Variants in CELSR3 observed in about 807,000 individuals in gnomAD.
CELSR3 encodes EGF-like protein 1.
A neutral mutation model predicts 270.0 loss-of-function variants in CELSR3; 73 were observed. The ratio of observed to expected loss-of-function variants is 0.27; its 90% CI spans 0.22 to 0.33. The LOEUF (loss-of-function observed/expected upper bound fraction) is 0.33. Ranked by LOEUF, CELSR3 falls within the 10% of genes least tolerant of loss-of-function variation. The probability of loss-of-function intolerance (pLI) is 1.00; values close to 1 mark genes in which losing one functional copy is unlikely to be tolerated. For synonymous variants in CELSR3, 1,780 were observed against 1,905.4 expected (o/e 0.93, Z 1.71); for missense variants, 3,614 against 4,533.8 (o/e 0.80, Z 5.83).
chr3:48,656,538 C>A (rs114474287), intron 2 of CELSR3, among the ~76,000 whole-genome samples, 160 bp downstream of exon 2: 2 of 152,242 alleles, frequency 1.3e-5, no homozygotes, highest in East Asian at 3.9e-4. Context: ...ATCGCTGCCT[C>A]GGCGGCGGCC....
chr3:48,652,077 G>A lies in CELSR3; in HGVS notation c.5752-29C>T, dbSNP rs752179609. On this transcript the variant is annotated intron_variant, in intron 11 of 34. Coordinates refer to ENST00000164024, the MANE Select transcript of CELSR3 (RefSeq NM_001407.3). This position sits in a 1 kb window ranked among gnomAD's most constrained non-coding sequence, Gnocchi z 4.3. ...TGGACACACAGCCAGCAAGGGGTGAGACCATGTTAAGGCACCTCAGCCTCA... is the reference window on the plus strand; with the variant it reads ...TGGACACACAGCCAGCAAGGGGTGAAACCATGTTAAGGCACCTCAGCCTCA... 1 of 1,506,802 alleles carries A rather than the reference G, an allele frequency of 6.6e-7. No individual in the cohort carries two copies. The highest frequency in any genetic ancestry group is 1.4e-5 in the African/African-American group (1 of 71,294). 93.3% of individuals were successfully genotyped at this position (1,506,802 alleles called of 1,614,324 possible).
Position 48,660,826 on chromosome 3 carries a change from C to A in CELSR3, c.1809G>T (p.Gln603His). ...CCTCGAAGTCCAGAGGTGCCACCAC[C>A]TGGATCTCGCCAGTGAGGCTGTCGA... ...FAIDSLTGEI[Q>H]VVAPLDFEAE... Residue 603 changes from glutamine (Q) to histidine (H), a missense_variant, in exon 1 of 35, where the codon CAG (glutamine) becomes CAT (histidine). Around this residue, in one of 7 missense-constraint regions of CELSR3, gnomAD observed 354 missense variants for 500.9 expected, o/e 0.71. Coordinates refer to ENST00000164024, the MANE Select transcript of CELSR3 (RefSeq NM_001407.3). The surrounding 1 kb of genome is among the most constrained non-coding windows in gnomAD (Gnocchi z 5.5). 1 of 1,614,062 alleles carries A rather than the reference C, an allele frequency of 6.2e-7. No homozygotes were observed. The highest frequency in any genetic ancestry group is 1.1e-5 in the South Asian group (1 of 91,086).
Position 48,654,032 on chromosome 3 carries a change from G to C in CELSR3, c.5153-29C>G. On this transcript the variant is annotated intron_variant, in intron 7 of 34. Transcript: ENST00000164024. The surrounding 1 kb of genome is among the most constrained non-coding windows in gnomAD (Gnocchi z 5.4). Reference sequence around the variant, plus strand: ...GGAGAGGAAAGCACATGGCGGACATGAGAACAAGGGTTGGGGGGCACAAGT... The same window carrying C: ...GGAGAGGAAAGCACATGGCGGACATCAGAACAAGGGTTGGGGGGCACAAGT... The C allele has an allele frequency of 1.2e-6, 2 of 1,607,030 alleles. No individual in the cohort carries two copies. The highest frequency in any genetic ancestry group is 1.7e-6 in the Non-Finnish European group (2 of 1,175,360).
Position 48,638,045 on chromosome 3 carries a change from T to C in CELSR3, c.*160A>G. The C allele has an allele frequency of 6.3e-6, 4 of 630,942 alleles. No individual in the cohort carries two copies. Among genetic ancestry groups the C allele is most frequent in the South Asian group, 5.3e-5 (3 of 56,280 alleles). The allele number at this position is 630,942 out of a possible 1,614,324, so 39.1% of individuals were successfully genotyped here. On this transcript the variant is annotated 3_prime_UTR_variant, in exon 35 of 35. Coordinates refer to ENST00000164024, the MANE Select transcript of CELSR3 (RefSeq NM_001407.3). The stretch of plus-strand genomic sequence containing the variant: ...CACCTGTCACACGCATGCTCACAGA[T>C]GCACATGGAGCCTCAGCCCTGCCAC...
In CELSR3 at chr3:48,637,401, C is replaced by G. The variant is rs1020344329; in HGVS notation, c.*804G>C. 2.6e-5 allele frequency: 4 copies of G among 152,628 alleles called. No individual in the cohort carries two copies. Among genetic ancestry groups the G allele is most frequent in the Non-Finnish European group, 5.9e-5 (4 of 68,044 alleles). 9.5% of individuals were successfully genotyped at this position (152,628 alleles called of 1,614,324 possible). On this transcript the variant is annotated 3_prime_UTR_variant, in exon 35 of 35. Transcript: ENST00000164024. ...GGGAATCAAATGGCACCACAGACAA[C>G]TTTTGCTTGCTGCAGGGGCAGGTGA...
rs61729421 is a variant in CELSR3 at position 48,660,287 on chromosome 3, C to T, written c.2348G>A (p.Arg783His). 1.5e-5 allele frequency: 24 copies of T among 1,614,170 alleles called. No individual in the cohort carries two copies. The African/African-American group carries it at 1.6e-4, about 11-fold the overall frequency. Residue 783 changes from arginine (R) to histidine (H), a missense_variant, in exon 1 of 35, where the codon CGT becomes CAT. Transcript: ENST00000164024. This position sits in a 1 kb window ranked among gnomAD's most constrained non-coding sequence, Gnocchi z 5.5. The stretch of plus-strand genomic sequence containing the variant: ...GTAGCTGATGGCACTGTTGGCATCA[C>T]GGTCTACTGCGGTCACGCTGACCAC... ...TSVVSVTAVD[R>H]DANSAISYQI...
Position 48,644,641 on chromosome 3 carries a change from C to T in CELSR3, c.8085+75G>A. On this transcript the variant is annotated intron_variant, in intron 26 of 34. Coordinates refer to ENST00000164024, the MANE Select transcript of CELSR3 (RefSeq NM_001407.3). This position sits in a 1 kb window ranked among gnomAD's most constrained non-coding sequence, Gnocchi z 4.8. ...CTGCAGAATGCCACCTGACCGCCCT[C>T]AGCTGAGTCCACTGCACCTCCTCCC... 8.1e-7 allele frequency: 1 copy of T among 1,232,184 alleles called. No homozygotes were observed. Among genetic ancestry groups the T allele is most frequent in the Non-Finnish European group, 1.2e-6 (1 of 848,372 alleles). 76.3% of individuals were successfully genotyped at this position (1,232,184 alleles called of 1,614,324 possible). A position where few individuals can be genotyped will look rare whatever the true frequency, so the allele number is the denominator to read the frequency against.
At chr3:48,643,416 G>A in intron 28 of CELSR3, 138 bp downstream of exon 28, 1 of 1,220,152 alleles carries the variant, frequency 8.2e-7, no homozygotes, top group Non-Finnish European at 1.1e-6. Flanking sequence ...CCAGTGTCTG[G>A]TCTGGGGTAG....
Position 48,639,685 on chromosome 3 carries a change from C to G in CELSR3, c.9900G>C (p.Ser3300=). Residue 3300 remains serine, a synonymous_variant, in exon 34 of 35, where the codon TCG becomes TCC. Transcript: ENST00000164024. The surrounding 1 kb of genome is among the most constrained non-coding windows in gnomAD (Gnocchi z 4.1). Reference sequence around the variant, plus strand: ...TGGACCATACTTACTCTGAGTCTGGCGACAGCTCCGAGATGCTGTGAGACG... The same window carrying G: ...TGGACCATACTTACTCTGAGTCTGGGGACAGCTCCGAGATGCTGTGAGACG... ...SATSHSISEL[S]PDSEVPRSEG... is the part of the protein sequence containing the mutation. 6.2e-7 allele frequency: 1 copy of G among 1,613,226 alleles called. No individual in the cohort carries two copies. Among genetic ancestry groups the G allele is most frequent in the East Asian group, 2.2e-5 (1 of 44,886 alleles).
At chr3:48,638,313 G>T in intron 34 of CELSR3, 81 bp from the exon 35 acceptor site, 2 of 1,039,060 alleles carry the variant, frequency 1.9e-6, no homozygotes, top group Non-Finnish European at 3.0e-6. Flanking sequence ...ACCACATTTG[G>T]CCTGGCTGCT....
intron 27 of CELSR3, chr3:48,643,944 C>T (rs932880904): frequency 3.4e-6 from 2 of 590,178 alleles, no homozygotes; most frequent in Non-Finnish European, 6.0e-6. Context: ...GGTGGGAACA[C>T]ACAGGGCAGG....
At position 48,651,065 on chromosome 3, in the gene CELSR3, T is replaced by A; in HGVS notation, c.6197A>T (p.Tyr2066Phe). ...GCAAGAGTCACTGCCCCGCGGTCGGTAGTGGAACTCCTGTTTGAGGATGGG... is the reference window on the plus strand; with the variant it reads ...GCAAGAGTCACTGCCCCGCGGTCGGAAGTGGAACTCCTGTTTGAGGATGGG... Reference protein sequence around the residue: ...NGQCHCKEFHYRPRGSDSCLP... With the variant: ...NGQCHCKEFHFRPRGSDSCLP... Residue 2066 changes from tyrosine (Y) to phenylalanine (F), a missense_variant, in exon 15 of 35, where the codon TAC becomes TTC. Physicochemically the swap from Tyr to Phe is conservative, Grantham distance 22. Transcript: ENST00000164024. The surrounding 1 kb of genome is among the most constrained non-coding windows in gnomAD (Gnocchi z 7.4). 1.3e-6 allele frequency: 2 copies of A among 1,562,474 alleles called. No homozygotes were observed. Among genetic ancestry groups the A allele is most frequent in the South Asian group, 2.4e-5 (2 of 82,578 alleles).
chr3:48,641,469 T>G lies in CELSR3; in HGVS notation c.8880A>C (p.Ala2960=), dbSNP rs1224624839. ...CCCAAGTCTGCAGAGCACAGGGGGC[T>G]GCCTCGCACTCCCCCAGGGCTGGCC... ...SYWPALGECE[A]APCALQTWGS... Residue 2960 remains alanine (A), a synonymous_variant, in exon 33 of 35, where the codon GCA becomes GCC. Transcript: ENST00000164024. The surrounding 1 kb of genome is among the most constrained non-coding windows in gnomAD (Gnocchi z 4.8). The G allele has an allele frequency of 6.2e-7, 1 of 1,612,334 alleles. No individual in the cohort carries two copies. Among genetic ancestry groups the G allele is most frequent in the Admixed American group, 1.7e-5 (1 of 60,002 alleles).
rs769689189 is a variant in CELSR3, at chr3:48,654,347, G to T, written c.5094C>A (p.His1698Gln). 23 of 1,614,102 alleles carry T rather than the reference G, an allele frequency of 1.4e-5. No homozygotes were observed. Among genetic ancestry groups the T allele is most frequent in the Non-Finnish European group, 1.9e-5 (23 of 1,180,022 alleles). ...KDFIGCMRDL[H>Q]IDGRRVDMAA... is the part of the protein sequence containing the mutation. ...CCATGTCCACTCGGCGGCCATCAAT[G>T]TGCAGGTCCCGCATACAGCCGATGA... The change falls in exon 7 of 35, where the codon CAC becomes CAA. Residue 1698 changes from histidine (H) to glutamine (Q), a missense_variant. His to Gln is a conservative substitution (Grantham distance 24). This residue lies in a region of CELSR3 where 1,331 missense variants were observed against 1,933.7 expected (regional missense o/e 0.69). Transcript: ENST00000164024. This position sits in a 1 kb window ranked among gnomAD's most constrained non-coding sequence, Gnocchi z 5.4.
In CELSR3 at chr3:48,642,919, T is replaced by G. The variant is rs1301849071; in HGVS notation, c.8407-35A>C. 2 of 1,611,080 alleles carry G rather than the reference T, an allele frequency of 1.2e-6. No homozygotes were observed. The highest frequency in any genetic ancestry group is 2.7e-5 in the African/African-American group (2 of 74,868). ...GTAGGGACAGAGTGTGAGCTAACCC[T>G]GAAGCAGCCTAAAACTCTGGCTTCT... On this transcript the variant is annotated intron_variant, in intron 29 of 34. Transcript: ENST00000164024. This position sits in a 1 kb window ranked among gnomAD's most constrained non-coding sequence, Gnocchi z 6.1.
chr3:48,639,666 ATACT>A lies in CELSR3; in HGVS notation c.9911+4_9911+7del. 6.2e-7 allele frequency: 1 copy of A among 1,613,048 alleles called. No individual in the cohort carries two copies. Among genetic ancestry groups the A allele is most frequent in the Non-Finnish European group, 8.5e-7 (1 of 1,179,746 alleles). On this transcript the variant is annotated splice_donor_5th_base_variant and intron_variant, in intron 34 of 34. Transcript: ENST00000164024. This position sits in a 1 kb window ranked among gnomAD's most constrained non-coding sequence, Gnocchi z 4.1. ...GAGGGTGCAAGCAGGTGGCTGGACC[ATACT>A]TACTCTGAGTCTGGCGACAGCTCCG...
In CELSR3 at chr3:48,660,010, G is replaced by C; in HGVS notation, c.2625C>G (p.Ser875Arg). 1 of 1,614,206 alleles carries C rather than the reference G, an allele frequency of 6.2e-7. No homozygotes were observed. The highest frequency in any genetic ancestry group is 8.5e-7 in the Non-Finnish European group (1 of 1,180,050). ...VSVNEDRPMG[S>R]TIVVISASDD... is the part of the protein sequence containing the mutation. ...CAGAGGCACTGATGACCACTATGGT[G>C]CTACCCATTGGCCGATCTTCATTCA... The change falls in exon 1 of 35, where the codon AGC becomes AGG. Residue 875 changes from serine (S) to arginine (R), a missense_variant. Ser to Arg is a moderately radical substitution (Grantham distance 110). Around this residue, in one of 7 missense-constraint regions of CELSR3, gnomAD observed 215 missense variants for 241.2 expected, o/e 0.89. Transcript: ENST00000164024. The surrounding 1 kb of genome is among the most constrained non-coding windows in gnomAD (Gnocchi z 5.5).
In CELSR3 at chr3:48,652,013, C is replaced by A; in HGVS notation, c.5787G>T (p.Pro1929=). The A allele has an allele frequency of 1.3e-6, 2 of 1,578,550 alleles. No homozygotes were observed. The highest frequency in any genetic ancestry group is 8.6e-7 in the Non-Finnish European group (1 of 1,165,456). The change falls in exon 12 of 35, where the codon CCG becomes CCT. Residue 1929 remains proline, a synonymous_variant. Coordinates refer to ENST00000164024, the MANE Select transcript of CELSR3 (RefSeq NM_001407.3). The surrounding 1 kb of genome is among the most constrained non-coding windows in gnomAD (Gnocchi z 4.3). Reference sequence around the variant, plus strand: ...CTCGGTGGCTGGGGGGTAGCAGGGCCGGGGAGCCAGAGGGTGTGGAGCCGA... The same window carrying A: ...CTCGGTGGCTGGGGGGTAGCAGGGCAGGGGAGCCAGAGGGTGTGGAGCCGA... ...VWLGSTPSGS[P]ALLPPSHRVN...
chr3:48,660,059 T>C lies in CELSR3; in HGVS notation c.2576A>G (p.Gln859Arg), dbSNP rs745329086. The C allele has an allele frequency of 1.2e-6, 2 of 1,614,178 alleles. No homozygotes were observed. The highest frequency in any genetic ancestry group is 2.2e-5 in the South Asian group (2 of 91,078). ...CACACTCACTGAGTAGTGGGCACTT[T>C]GAAAGACCGGCCGATGAGTGTTGGC... ...TDANTHRPVF[Q>R]SAHYSVSVNE... Residue 859 changes from glutamine (Q) to arginine (R), a missense_variant, in exon 1 of 35, where the codon CAA becomes CGA. Gln to Arg is a conservative substitution (Grantham distance 43). This residue lies in a region of CELSR3 where 215 missense variants were observed against 241.2 expected (regional missense o/e 0.89). Coordinates refer to ENST00000164024, the MANE Select transcript of CELSR3 (RefSeq NM_001407.3). The surrounding 1 kb of genome is among the most constrained non-coding windows in gnomAD (Gnocchi z 5.5).
Sources: allele counts gnomAD v4.1 joint callset (sites outside exome capture counted in the v4.1 genomes callset), GRCh38; gene constraint gnomAD v4.1.1; regional missense constraint gnomAD v4.1.1; non-coding constraint Gnocchi (gnomAD v3.1); transcripts MANE v1.5; gene names NCBI Gene and HGNC (gene_info 2026-07-23, HGNC 2026-07-21).